MAPK4: variants seen among roughly 807,000 people sequenced by gnomAD.
The protein encoded by MAPK4 is mitogen-activated protein kinase 4.
Under a neutral mutation model 47.7 loss-of-function variants are expected in MAPK4, and 22 were observed. The ratio of observed to expected loss-of-function variants is 0.46; its 90% CI spans 0.33 to 0.66. MAPK4 has a LOEUF of 0.66. Among genes scored for constraint, MAPK4 ranks in the 30% least tolerant of loss-of-function variants. MAPK4 has a pLI of 0.02. For missense variants in MAPK4, 736 were observed against 831.7 expected (o/e 0.88, Z 1.42); for synonymous variants, 390 against 365.7 (o/e 1.07, Z -0.76).
intron 2 of MAPK4, among the ~76,000 whole-genome samples, chr18:50,667,687 G>T (rs544283380): frequency 6.6e-6 from 1 of 152,302 alleles, no homozygotes; most frequent in African/African-American, 2.4e-5. Context: ...CCAGCGATAG[G>T]CTTAGTGATC....
intron 1 of MAPK4, among the ~76,000 whole-genome samples, chr18:50,619,363 G>T (rs1051019648): frequency 6.6e-6 from 1 of 152,192 alleles, no homozygotes; most frequent in Non-Finnish European, 1.5e-5. Context: ...TCCCCAGCCT[G>T]CAGTGTGGTG....
intron 2 of MAPK4, among the ~76,000 whole-genome samples, chr18:50,694,868 C>T (rs1298385951): frequency 6.6e-6 from 1 of 152,220 alleles, no homozygotes; most frequent in Non-Finnish European, 1.5e-5. Context: ...TTGACAGATG[C>T]TTACTGACTG....
rs371938450 is a variant in MAPK4, at chr18:50,725,980, A to C, written c.872A>C (p.Lys291Thr). Residue 291 changes from lysine (K) to threonine (T), a missense_variant, in exon 5 of 6, where the codon AAG becomes ACG. Around this residue, in one of 3 missense-constraint regions of MAPK4, gnomAD observed 327 missense variants for 395.4 expected, o/e 0.83. Coordinates refer to ENST00000400384, the MANE Select transcript of MAPK4 (RefSeq NM_002747.4). ...VNSEAIDFLE[K>T]ILTFNPMDRL... Reference sequence around the variant, plus strand: ...CCTGCAGCCATCGACTTTCTGGAGAAGATCCTGACCTTTAACCCCATGGAT... The same window carrying C: ...CCTGCAGCCATCGACTTTCTGGAGACGATCCTGACCTTTAACCCCATGGAT... 1.2e-6 allele frequency: 2 copies of C among 1,614,096 alleles called. No individual in the cohort carries two copies. Among genetic ancestry groups the C allele is most frequent in the Non-Finnish European group, 1.7e-6 (2 of 1,180,052 alleles).
intron 2 of MAPK4, among the ~76,000 whole-genome samples, chr18:50,712,596 G>T (rs1404673370): frequency 2.7e-5 from 4 of 147,876 alleles, no homozygotes; most frequent in Non-Finnish European, 4.4e-5. Flanking sequence ...CTCCTATCAT[G>T]ACCTGGTCTG....
intron 3 of MAPK4, among the ~76,000 whole-genome samples, chr18:50,720,976 G>A (rs903848915): frequency 1.3e-5 from 2 of 152,266 alleles, no homozygotes; most frequent in African/African-American, 4.8e-5. Context: ...ATGGCAAGGG[G>A]AGGGCCCTCT....
At chr18:50,696,034 G>C (rs920019139) in intron 2 of MAPK4, among the ~76,000 whole-genome samples, 1 of 151,812 alleles carries the variant, frequency 6.6e-6, no homozygotes, top group Non-Finnish European at 1.5e-5. Flanking sequence ...GTACTCAAGG[G>C]ATCCTCATCT....
intron 1 of MAPK4, among the ~76,000 whole-genome samples, chr18:50,564,873 G>A (rs529144599): frequency 1.3e-5 from 2 of 152,190 alleles, no homozygotes; most frequent in African/African-American, 2.4e-5. Context: ...TTCAGTTCTG[G>A]TGGACTTGAT....
intron 2 of MAPK4, among the ~76,000 whole-genome samples, chr18:50,706,848 G>A (rs1465275302): frequency 1.3e-5 from 2 of 152,146 alleles, no homozygotes; most frequent in African/African-American, 4.8e-5. Context: ...TGAGGATGGT[G>A]GTAATGGAGC....
chr18:50,721,707 C>G (rs1027942029), intron 3 of MAPK4, among the ~76,000 whole-genome samples: 1 of 152,190 alleles, frequency 6.6e-6, no homozygotes, highest in African/African-American at 2.4e-5. Flanking sequence ...TGGGGCCTTG[C>G]AGACTACCAG....
intron 1 of MAPK4, among the ~76,000 whole-genome samples, chr18:50,648,124 A>G (rs1220229489): frequency 6.6e-6 from 1 of 151,940 alleles, no homozygotes; most frequent in East Asian, 1.9e-4. Flanking sequence ...AGAGAGAGAG[A>G]GAGAGTCCCA....
Position 50,730,037 on chromosome 18 carries a change from T to C in MAPK4, c.*183T>C. ...CTGCCTTAATAACTAGCCTTTAACC[T>C]GTGGGAGCGGGTTTGAACAGGACCC... On this transcript the variant is annotated 3_prime_UTR_variant, in exon 6 of 6. Transcript: ENST00000400384. The C allele has an allele frequency of 1.7e-6, 1 of 596,914 alleles. No homozygotes were observed. The highest frequency in any genetic ancestry group is 3.4e-5 in the South Asian group (1 of 28,996). The allele number at this position is 596,914 out of a possible 1,614,324, so 37.0% of individuals were successfully genotyped here.
intron 1 of MAPK4, among the ~76,000 whole-genome samples, chr18:50,569,393 C>T (rs997434016): frequency 4.6e-5 from 7 of 152,150 alleles, no homozygotes; most frequent in Non-Finnish European, 7.4e-5. Context: ...ATAAAGATGA[C>T]AAGAGTTCAA....
chr18:50,657,014 C>T (rs1022704169), intron 1 of MAPK4, among the ~76,000 whole-genome samples: 14 of 152,318 alleles, frequency 9.2e-5, no homozygotes, highest in Admixed American at 2.6e-4. Context: ...AGCTCCTCAG[C>T]GATGCCAGCA....
chr18:50,640,169 T>C (rs2042926129), intron 1 of MAPK4, among the ~76,000 whole-genome samples: 1 of 152,180 alleles, frequency 6.6e-6, no homozygotes, highest in South Asian at 2.1e-4. Context: ...ACAACCACAC[T>C]AGCAGTAGAA....
At chr18:50,691,263 G>T (rs1909202490) in intron 2 of MAPK4, among the ~76,000 whole-genome samples, 1 of 151,794 alleles carries the variant, frequency 6.6e-6, no homozygotes, top group African/African-American at 2.4e-5. Context: ...CAGAGTGCTG[G>T]GATTACAGGT....
chr18:50,583,674 C>G (rs138067096), intron 1 of MAPK4, among the ~76,000 whole-genome samples: 1 of 152,288 alleles, frequency 6.6e-6, no homozygotes, highest in Non-Finnish European at 1.5e-5. Context: ...GTCATGGACT[C>G]TATGTGGAAC....
Position 50,649,709 on chromosome 18 carries a change from G to GGAA in MAPK4, c.-870-13379_-870-13378insAAG, listed in dbSNP as rs545951674. On this transcript the variant is annotated intron_variant, in intron 1 of 5. Coordinates refer to ENST00000400384, the MANE Select transcript of MAPK4 (RefSeq NM_002747.4). ...TCTATCAAGTACTCTTCCTCCCAAA[G>GGAA]GGTAGCTTGGAAGTAGGACTCTATA... is the stretch of plus-strand genomic sequence containing the variant. 5.0e-3 allele frequency among the ~76,000 whole-genome samples: 757 copies of GGAA among 152,324 alleles called. 7 individuals are homozygous for GGAA. The highest frequency in any genetic ancestry group is 0.017 in the African/African-American group (725 of 41,572).
At chr18:50,640,031 A>G (rs2042924833) in intron 1 of MAPK4, among the ~76,000 whole-genome samples, 1 of 152,254 alleles carries the variant, frequency 6.6e-6, no homozygotes, top group South Asian at 2.1e-4. Context: ...CTTTTATTCT[A>G]CAAGGGAACA....
chr18:50,727,845 G>A (rs1911287079), intron 5 of MAPK4, among the ~76,000 whole-genome samples: 1 of 152,188 alleles, frequency 6.6e-6, no homozygotes, highest in Non-Finnish European at 1.5e-5. Context: ...CTGTAAAGCG[G>A]GGGTGATAAC....
Sources: allele counts gnomAD v4.1 joint callset (sites outside exome capture counted in the v4.1 genomes callset), GRCh38; gene constraint gnomAD v4.1.1; regional missense constraint gnomAD v4.1.1; transcripts MANE v1.5; gene names NCBI Gene and HGNC (gene_info 2026-07-23, HGNC 2026-07-21).